CSMD1: variants seen among roughly 807,000 people sequenced by gnomAD.
CSMD1 encodes the protein CUB and Sushi multiple domains 1.
A neutral mutation model predicts 417.5 loss-of-function variants in CSMD1; 213 were observed. That is an observed-to-expected ratio of 0.51 (90% confidence interval 0.46 to 0.57). The LOEUF is 0.57. CSMD1 is among the 20% of genes least tolerant of loss of function. The probability of loss-of-function intolerance (pLI) is 0.00; values close to 1 mark genes in which losing one functional copy is unlikely to be tolerated. For missense variants in CSMD1, 6,923 were observed against 4,529.7 expected, an observed-to-expected ratio of 1.53 and a Z score of -15.17; for synonymous variants, 2,862 against 1,736.8, an observed-to-expected ratio of 1.65 and a Z score of -16.11.
chr8:4,463,198 C>T (rs1799944737), intron 2 of CSMD1, among the ~76,000 whole-genome samples: 1 of 152,142 alleles, frequency 6.6e-6, no homozygotes, highest in African/African-American at 2.4e-5. Flanking sequence ...TCTCAGCATC[C>T]TTAGCCATCA....
chr8:3,653,624 A>G (rs563558026), intron 7 of CSMD1, among the ~76,000 whole-genome samples: 11 of 152,248 alleles, frequency 7.2e-5, no homozygotes, highest in African/African-American at 2.4e-4. Flanking sequence ...TGGGGATTCT[A>G]AATCATTCCT....
chr8:4,213,044 A>T (rs954799425), intron 3 of CSMD1, among the ~76,000 whole-genome samples: 6 of 152,068 alleles, frequency 3.9e-5, no homozygotes, highest in Non-Finnish European at 1.5e-5. Flanking sequence ...CTAATTTAAG[A>T]CCCACTCTAA....
chr8:4,330,138 A>T (rs1224138338), intron 3 of CSMD1, among the ~76,000 whole-genome samples: 1 of 152,136 alleles, frequency 6.6e-6, no homozygotes, highest in Non-Finnish European at 1.5e-5. Context: ...AGACTTCACA[A>T]TGAGTAGTAT....
At position 3,837,178 on chromosome 8, in the gene CSMD1, T is replaced by A. The variant is rs73506765; in HGVS notation, c.819-83136A>T. On this transcript the variant is annotated intron_variant, in intron 5 of 69. Transcript: ENST00000635120. Reference sequence around the variant, plus strand: ...AAAAAAAAAATCTGTTCACATCAGTTTCACAGTCTGTGGTCAAAGAAAACA... The same window carrying A: ...AAAAAAAAAATCTGTTCACATCAGTATCACAGTCTGTGGTCAAAGAAAACA... Among the ~76,000 whole-genome samples the A allele has an allele frequency of 4.8e-3, 731 of 152,246 alleles. 10 individuals carry two copies. Among genetic ancestry groups the A allele is most frequent in the African/African-American group, 0.017 (692 of 41,560 alleles).
intron 1 of CSMD1, among the ~76,000 whole-genome samples, chr8:4,717,009 A>C (rs1673267): frequency 0.91 from 138,107 of 152,078 alleles, 62,914 homozygotes; most frequent in East Asian, 0.99. Context: ...GCCTGGGTTG[A>C]TGAGGACACA....
At chr8:4,571,394 T>G (rs865850327) in intron 2 of CSMD1, among the ~76,000 whole-genome samples, 1 of 152,216 alleles carries the variant, frequency 6.6e-6, no homozygotes, top group African/African-American at 2.4e-5. Flanking sequence ...TTAATTTCGT[T>G]ATTTACCCAG....
chr8:3,558,613 TC>T, intron 10 of CSMD1, among the ~76,000 whole-genome samples: 1 of 127,958 alleles, frequency 7.8e-6, no homozygotes, highest in African/African-American at 3.8e-5. Flanking sequence ...TGTCCACTCC[TC>T]CAATGATGAA....
At chr8:3,025,941 T>C (rs765118060) in intron 51 of CSMD1, among the ~76,000 whole-genome samples, 24 of 152,186 alleles carry the variant, frequency 1.6e-4, no homozygotes, top group Non-Finnish European at 2.9e-4. Context: ...GATATAGTTA[T>C]AAAAAGGTCT....
chr8:4,047,206 A>T (rs1382136148), intron 3 of CSMD1, among the ~76,000 whole-genome samples: 1 of 152,106 alleles, frequency 6.6e-6, no homozygotes, highest in Admixed American at 6.6e-5. Context: ...GTAGTAACTC[A>T]TGTGTATTTC....
At chr8:4,003,356 G>T (rs989624441) in intron 4 of CSMD1, among the ~76,000 whole-genome samples, 1 of 151,900 alleles carries the variant, frequency 6.6e-6, no homozygotes, top group Non-Finnish European at 1.5e-5. Context: ...TTGCCCTACT[G>T]CACTCCAGCC....
chr8:4,876,885 C>G (rs537777848), intron 1 of CSMD1, among the ~76,000 whole-genome samples: 47 of 152,058 alleles, frequency 3.1e-4, no homozygotes, highest in African/African-American at 1.1e-3. Context: ...AGCAAAAAGG[C>G]AAAGAACACA....
intron 3 of CSMD1, among the ~76,000 whole-genome samples, chr8:4,404,936 T>C (rs1804905086): frequency 6.6e-6 from 1 of 152,312 alleles, no homozygotes; most frequent in African/African-American, 2.4e-5. Context: ...TCATCCGATA[T>C]GATTATCCTC....
chr8:4,530,612 T>C (rs1432605498), intron 2 of CSMD1, among the ~76,000 whole-genome samples: 1 of 151,530 alleles, frequency 6.6e-6, no homozygotes, highest in African/African-American at 2.4e-5. Context: ...TTTCTGTTCC[T>C]GTATTAGTTT....
chr8:4,080,843 G>A (rs1013230220), intron 3 of CSMD1, among the ~76,000 whole-genome samples: 1 of 152,112 alleles, frequency 6.6e-6, no homozygotes, highest in Admixed American at 6.6e-5. Flanking sequence ...GTATTGCTAT[G>A]GATTTCATGT....
intron 2 of CSMD1, among the ~76,000 whole-genome samples, chr8:4,552,066 C>T (rs189374381): frequency 6.3e-4 from 96 of 152,260 alleles, no homozygotes; most frequent in Non-Finnish European, 1.0e-3. Context: ...AAATTATTGT[C>T]AATTGAATGA....
intron 4 of CSMD1, among the ~76,000 whole-genome samples, chr8:4,012,092 T>A (rs922371898): frequency 1.3e-5 from 2 of 152,286 alleles, no homozygotes; most frequent in Admixed American, 1.3e-4. Flanking sequence ...ATTGTAGACA[T>A]AGCCACAATG....
At chr8:3,173,427 G>A (rs1820706862) in intron 37 of CSMD1, among the ~76,000 whole-genome samples, 1 of 152,282 alleles carries the variant, frequency 6.6e-6, no homozygotes, top group East Asian at 1.9e-4. Context: ...ATCTTTGATT[G>A]ATATTAATGA....
intron 1 of CSMD1, among the ~76,000 whole-genome samples, chr8:4,755,731 T>C (rs972026587): frequency 2.6e-5 from 4 of 152,240 alleles, no homozygotes; most frequent in African/African-American, 7.2e-5. Flanking sequence ...GTTTTCTGTA[T>C]GTAGAGTTAC....
chr8:4,847,600 A>C (rs1206144143), intron 1 of CSMD1, among the ~76,000 whole-genome samples: 1 of 151,940 alleles, frequency 6.6e-6, no homozygotes, highest in East Asian at 1.9e-4. Context: ...AGTTTTGCCT[A>C]ATATCGTTTA....
Sources: allele counts gnomAD v4.1 joint callset (sites outside exome capture counted in the v4.1 genomes callset), GRCh38; gene constraint gnomAD v4.1.1; transcripts MANE v1.5; gene names NCBI Gene and HGNC (gene_info 2026-07-23, HGNC 2026-07-21).